OTUD7A: variants seen among roughly 807,000 people sequenced by gnomAD.
OTUD7A encodes the protein OTU deubiquitinase 7A.
OTUD7A carries 12 observed loss-of-function variants against 65.7 expected under a neutral mutation model. The ratio of observed to expected loss-of-function variants is 0.18; its 90% CI spans 0.12 to 0.30. OTUD7A has a LOEUF of 0.30. OTUD7A is among the 10% of genes least tolerant of loss of function. The pLI is 1.00. For synonymous variants in OTUD7A, 641 were observed against 586.3 expected (o/e 1.09, Z -1.35); for missense variants, 1,148 against 1,304.8 (o/e 0.88, Z 1.85).
chr15:31,513,257 T>C (rs929391871), intron 8 of OTUD7A, among the ~76,000 whole-genome samples: 2 of 152,242 alleles, frequency 1.3e-5, no homozygotes, highest in Non-Finnish European at 2.9e-5. Context: ...AAAGAGCTTT[T>C]GTTTCCCTGA....
At chr15:31,550,518 C>G (rs946611274) in intron 5 of OTUD7A, among the ~76,000 whole-genome samples, 1 of 152,134 alleles carries the variant, frequency 6.6e-6, no homozygotes, top group African/African-American at 2.4e-5. Flanking sequence ...GAAAATGGAA[C>G]CTCAGTCATT....
At position 31,477,702 on chromosome 15, in the gene OTUD7A, A is replaced by G. The variant is rs1461148286; in HGVS notation, c.*5592T>C. The G allele has an allele frequency of 6.6e-6, 1 of 152,184 alleles. No individual in the cohort carries two copies. 9.4% of individuals were successfully genotyped at this position (152,184 alleles called of 1,614,324 possible). ...AATAAATACTTATCCAGTGCCTAAT[A>G]TGTGTCAGGCACTGTTGTAGGCACC... is the stretch of plus-strand genomic sequence containing the variant. On this transcript the variant is annotated 3_prime_UTR_variant, in exon 13 of 13. Transcript: ENST00000307050.
chr15:31,511,893 AC>A (rs748411479), intron 8 of OTUD7A, among the ~76,000 whole-genome samples: 3 of 151,336 alleles, frequency 2.0e-5, no homozygotes, highest in Admixed American at 2.0e-4. Context: ...TTGAGGCTTA[AC>A]CCCCCCGCCC....
At chr15:31,683,898 A>C (rs1892777015) in intron 1 of OTUD7A, among the ~76,000 whole-genome samples, 1 of 152,168 alleles carries the variant, frequency 6.6e-6, no homozygotes, top group Admixed American at 6.5e-5. Context: ...CAGCTGTTTG[A>C]GTCAGAAAGA....
intron 1 of OTUD7A, chr15:31,767,932 T>A: frequency 6.5e-7 from 1 of 1,542,268 alleles, no homozygotes; most frequent in Non-Finnish European, 9.0e-7. Flanking sequence ...CATTTTCTGA[T>A]CCCCACCTCC....
At chr15:31,685,752 A>G (rs1452994233) in intron 1 of OTUD7A, among the ~76,000 whole-genome samples, 1 of 152,252 alleles carries the variant, frequency 6.6e-6, no homozygotes, top group Non-Finnish European at 1.5e-5. Flanking sequence ...GCTTTGGAAC[A>G]TGGCAACAGA....
At position 31,847,391 on chromosome 15, in the gene OTUD7A, G is replaced by C. The variant is rs1337689746; in HGVS notation, c.-100+23116C>G. The stretch of plus-strand genomic sequence containing the variant: ...CAAGACAGCCGCTCTCCTCCACTAA[G>C]GACTAGTGATGTTCCTTCTCGTTCC... On this transcript the variant is annotated intron_variant, in intron 1 of 12. Transcript: ENST00000307050. Among the ~76,000 whole-genome samples, 3 of 152,274 alleles carry C rather than the reference G, an allele frequency of 2.0e-5. 1 individual carries two copies. The East Asian group carries it at 5.8e-4, about 29-fold the overall frequency.
intron 1 of OTUD7A, among the ~76,000 whole-genome samples, chr15:31,779,053 T>C (rs1303904573): frequency 5.9e-5 from 9 of 152,226 alleles, no homozygotes; most frequent in Admixed American, 5.9e-4. Flanking sequence ...ATTTTTAATA[T>C]ATCTAAATAC....
At chr15:31,859,063 A>G (rs1897652290) in intron 1 of OTUD7A, among the ~76,000 whole-genome samples, 1 of 152,274 alleles carries the variant, frequency 6.6e-6, no homozygotes, top group Non-Finnish European at 1.5e-5. Context: ...ACTGCAAAGC[A>G]CTATAAAACT....
At chr15:31,851,635 G>A (rs1443778159) in intron 1 of OTUD7A, among the ~76,000 whole-genome samples, 1 of 152,170 alleles carries the variant, frequency 6.6e-6, no homozygotes, top group Non-Finnish European at 1.5e-5. Flanking sequence ...TGATGGAGTT[G>A]GATGGAGGTG....
At chr15:31,802,554 T>C (rs1028325740) in intron 1 of OTUD7A, among the ~76,000 whole-genome samples, 1 of 152,148 alleles carries the variant, frequency 6.6e-6, no homozygotes, top group Non-Finnish European at 1.5e-5. Context: ...CCACATAAAG[T>C]ATAATAATAT....
chr15:31,770,576 A>G (rs1895207904), intron 1 of OTUD7A, among the ~76,000 whole-genome samples: 1 of 152,366 alleles, frequency 6.6e-6, no homozygotes, highest in Non-Finnish European at 1.5e-5. Flanking sequence ...CTATGAAGTT[A>G]GCTTTAGTCT....
chr15:31,541,667 T>C (rs1431370184), intron 5 of OTUD7A, among the ~76,000 whole-genome samples: 1 of 152,144 alleles, frequency 6.6e-6, no homozygotes, highest in African/African-American at 2.4e-5. Context: ...GAAATAAATA[T>C]GGGATGGAAA....
At chr15:31,545,796 C>G (rs1888112231) in intron 5 of OTUD7A, among the ~76,000 whole-genome samples, 1 of 152,160 alleles carries the variant, frequency 6.6e-6, no homozygotes, top group Admixed American at 6.5e-5. Context: ...TACATCCACT[C>G]TGGAAAACTA....
chr15:31,851,099 A>T (rs958289655), intron 1 of OTUD7A, among the ~76,000 whole-genome samples: 3 of 152,240 alleles, frequency 2.0e-5, no homozygotes, highest in African/African-American at 7.2e-5. Context: ...TGGCAATATT[A>T]AAAAGACCAG....
At chr15:31,645,550 G>A (rs866493872) in intron 3 of OTUD7A, among the ~76,000 whole-genome samples, 4 of 152,046 alleles carry the variant, frequency 2.6e-5, no homozygotes, top group Admixed American at 6.6e-5. Flanking sequence ...ATCCATCCAC[G>A]TCAGTATGTA....
intron 3 of OTUD7A, among the ~76,000 whole-genome samples, chr15:31,578,104 T>C (rs1889261803): frequency 1.3e-5 from 2 of 152,006 alleles, no homozygotes; most frequent in Non-Finnish European, 2.9e-5. Context: ...TTGGCCAGGG[T>C]ACCCTAAAAT....
chr15:31,845,872 T>G (rs1032055140), intron 1 of OTUD7A, among the ~76,000 whole-genome samples: 1 of 152,172 alleles, frequency 6.6e-6, no homozygotes, highest in Non-Finnish European at 1.5e-5. Context: ...GGCTCCCCCA[T>G]GCAGGAGGAG....
chr15:31,673,924 T>A (rs1351283555), intron 1 of OTUD7A, among the ~76,000 whole-genome samples: 2 of 152,146 alleles, frequency 1.3e-5, no homozygotes, highest in Non-Finnish European at 1.5e-5. Context: ...TGTCTTAACA[T>A]CACCACAAGC....
Sources: allele counts gnomAD v4.1 joint callset (sites outside exome capture counted in the v4.1 genomes callset), GRCh38; gene constraint gnomAD v4.1.1; transcripts MANE v1.5; gene names NCBI Gene and HGNC (gene_info 2026-07-23, HGNC 2026-07-21).